Variants in CMSS1 observed in about 807,000 individuals in gnomAD.
CMSS1 encodes the protein protein CMSS1.
In CMSS1, 33 loss-of-function variants were observed where a neutral mutation model predicts 43.5. The ratio of observed to expected loss-of-function variants is 0.76; its 90% CI spans 0.57 to 1.01. CMSS1 has a LOEUF of 1.01. Ranked by LOEUF, CMSS1 falls within the 50% of genes least tolerant of loss-of-function variation. The probability of loss-of-function intolerance (pLI) is 0.00; values close to 1 mark genes in which losing one functional copy is unlikely to be tolerated. For synonymous variants in CMSS1, 115 were observed against 117.2 expected (o/e 0.98, Z 0.12); for missense variants, 313 against 326.4 (o/e 0.96, Z 0.32).
intron 1 of CMSS1, among the ~76,000 whole-genome samples, chr3:99,937,681 G>T (rs184642266): frequency 7.2e-5 from 11 of 152,284 alleles, no homozygotes; most frequent in Admixed American, 1.3e-4. Context: ...ACCTCAGCAG[G>T]GATTTATTGA....
At chr3:99,871,044 G>A (rs1944761750) in intron 1 of CMSS1, among the ~76,000 whole-genome samples, 1 of 152,122 alleles carries the variant, frequency 6.6e-6, no homozygotes, top group Non-Finnish European at 1.5e-5. Flanking sequence ...ATTAAACTGA[G>A]GTAGATGAAG....
At chr3:100,000,664 A>C (rs1273959373) in intron 1 of CMSS1, among the ~76,000 whole-genome samples, 2 of 152,200 alleles carry the variant, frequency 1.3e-5, no homozygotes, top group African/African-American at 2.4e-5. Context: ...AGAGTGAGCT[A>C]TGATTGTGCT....
intron 1 of CMSS1, among the ~76,000 whole-genome samples, chr3:99,982,545 T>A (rs2107734536): frequency 6.6e-6 from 1 of 152,268 alleles, no homozygotes; most frequent in African/African-American, 2.4e-5. Flanking sequence ...TCTCTCACTC[T>A]GTTGCCCAGG....
intron 1 of CMSS1, among the ~76,000 whole-genome samples, chr3:100,041,748 A>G (rs1184961405): frequency 2.0e-5 from 3 of 152,192 alleles, no homozygotes; most frequent in African/African-American, 7.2e-5. Context: ...TCTATGTAGC[A>G]TGGTTTTAGA....
At chr3:99,881,317 G>A (rs987758731) in intron 1 of CMSS1, among the ~76,000 whole-genome samples, 2 of 152,188 alleles carry the variant, frequency 1.3e-5, no homozygotes, top group African/African-American at 2.4e-5. Flanking sequence ...CAAACATTTT[G>A]TGTTTCCTTG....
rs2065095647 is a variant in CMSS1 at position 100,035,659 on chromosome 3, T to C, written c.65-111314T>C. On this transcript the variant is annotated intron_variant, in intron 1 of 9. Transcript: ENST00000421999. Reference sequence around the variant, plus strand: ...CCAAACTGTTAAAGAAATTGAACCATAGAAGAGGCAGAAACTTTTATCATT... The same window carrying C: ...CCAAACTGTTAAAGAAATTGAACCACAGAAGAGGCAGAAACTTTTATCATT... 2.0e-5 allele frequency among the ~76,000 whole-genome samples: 3 copies of C among 152,232 alleles called. No homozygotes were observed. In the South Asian group the frequency reaches 6.2e-4, roughly 31 times the overall value.
chr3:100,158,932 C>T (rs890236440), intron 2 of CMSS1, among the ~76,000 whole-genome samples: 5 of 152,202 alleles, frequency 3.3e-5, no homozygotes, highest in Non-Finnish European at 5.9e-5. Flanking sequence ...AAATACGCTT[C>T]CCAAAAACCT....
chr3:99,967,182 G>A (rs1460483779), intron 1 of CMSS1, among the ~76,000 whole-genome samples: 2 of 152,218 alleles, frequency 1.3e-5, no homozygotes, highest in Non-Finnish European at 2.9e-5. Flanking sequence ...CTCTTGGAAT[G>A]TGTTCTTGGC....
intron 1 of CMSS1, among the ~76,000 whole-genome samples, chr3:99,949,490 C>T (rs1016096002): frequency 6.6e-6 from 1 of 152,170 alleles, no homozygotes; most frequent in African/African-American, 2.4e-5. Flanking sequence ...CGTATAGTCC[C>T]ACCTTTCAAC....
intron 1 of CMSS1, among the ~76,000 whole-genome samples, chr3:99,890,883 T>G (rs973582048): frequency 6.6e-6 from 1 of 152,152 alleles, no homozygotes; most frequent in African/African-American, 2.4e-5. Context: ...TTATATGAAG[T>G]CACGTATCTC....
intron 1 of CMSS1, among the ~76,000 whole-genome samples, chr3:99,888,088 A>G (rs1309273531): frequency 2.6e-5 from 4 of 152,170 alleles, no homozygotes; most frequent in East Asian, 3.8e-4. Flanking sequence ...TCTTCGGACA[A>G]TTGGTGATGT....
At chr3:99,835,507 C>G (rs745575778) in intron 1 of CMSS1, among the ~76,000 whole-genome samples, 2 of 152,186 alleles carry the variant, frequency 1.3e-5, no homozygotes, top group Admixed American at 6.5e-5. Context: ...ACTATGAGCA[C>G]TATTTAAGTC....
At chr3:99,849,453 T>G (rs1394766068) in intron 1 of CMSS1, 2 of 1,614,046 alleles carry the variant, frequency 1.2e-6, no homozygotes, top group Middle Eastern at 1.7e-4. Context: ...CTGAGTGATC[T>G]CCCTGGAGGT....
chr3:99,988,511 C>CAAAAAAA (rs757175318), intron 1 of CMSS1, among the ~76,000 whole-genome samples: 2 of 47,840 alleles, frequency 4.2e-5, no homozygotes, highest in African/African-American at 6.8e-5. Context: ...GACTCCATCT[C>CAAAAAAA]AAAAAAAAAA....
At chr3:100,091,829 C>G (rs1406252536) in intron 1 of CMSS1, among the ~76,000 whole-genome samples, 1 of 152,188 alleles carries the variant, frequency 6.6e-6, no homozygotes, top group Non-Finnish European at 1.5e-5. Flanking sequence ...TCTCGTGATT[C>G]ACAGGTACAT....
intron 1 of CMSS1, among the ~76,000 whole-genome samples, chr3:100,109,558 A>G (rs1026081636): frequency 2.6e-5 from 4 of 152,004 alleles, no homozygotes; most frequent in Non-Finnish European, 5.9e-5. Flanking sequence ...TTTTCCCACA[A>G]TGTTGTATAA....
At chr3:99,969,869 C>T (rs990447125) in intron 1 of CMSS1, among the ~76,000 whole-genome samples, 11 of 152,116 alleles carry the variant, frequency 7.2e-5, no homozygotes, top group African/African-American at 2.4e-4. Flanking sequence ...TTGCCAAGTG[C>T]CCTAGTCATG....
chr3:99,946,879 AT>A (rs1708024104), intron 1 of CMSS1, among the ~76,000 whole-genome samples: 1 of 152,176 alleles, frequency 6.6e-6, no homozygotes, highest in Admixed American at 6.5e-5. Context: ...GGATACAGTC[AT>A]TTGTTGCACA....
At chr3:100,051,664 T>C (rs1352430691) in intron 1 of CMSS1, among the ~76,000 whole-genome samples, 1 of 151,844 alleles carries the variant, frequency 6.6e-6, no homozygotes, top group Non-Finnish European at 1.5e-5. Flanking sequence ...GCTTCATCCA[T>C]GTCCCTACAA....
Sources: gnomAD v4.1 joint callset for allele counts (sites outside exome capture counted in the v4.1 genomes callset) on GRCh38, gnomAD v4.1.1 for gene constraint, MANE v1.5 for transcripts, NCBI Gene and HGNC (gene_info 2026-07-23, HGNC 2026-07-21) for gene names.